Variants in DIP2C observed in about 807,000 individuals in gnomAD.
DIP2C encodes DIP2 acetate--CoA ligase C (putative).
In DIP2C, 33 loss-of-function variants were observed where a neutral mutation model predicts 192.4. The observed-to-expected ratio is 0.17, with a 90% CI of 0.13 to 0.23. The LOEUF (loss-of-function observed/expected upper bound fraction) is 0.23, where lower values mean the gene tolerates loss of function less well. DIP2C is among the 10% of genes least tolerant of loss of function. The pLI, the probability that DIP2C is intolerant of heterozygous loss-of-function variation, is 1.00. For synonymous variants in DIP2C, 979 were observed against 864.1 expected (o/e 1.13, Z -2.33); for missense variants, 1,537 against 2,110.1 (o/e 0.73, Z 5.32).
chr10:299,571 T>A (rs1955921899), intron 32 of DIP2C, among the ~76,000 whole-genome samples: 1 of 152,234 alleles, frequency 6.6e-6, no homozygotes, highest in African/African-American at 2.4e-5. Flanking sequence ...AGTCATGTGT[T>A]GGATATGTCA....
At chr10:393,949 CA>C (rs1334393875) in intron 10 of DIP2C, among the ~76,000 whole-genome samples, 2 of 152,058 alleles carry the variant, frequency 1.3e-5, no homozygotes, top group African/African-American at 4.8e-5. Flanking sequence ...AAAACCCTTG[CA>C]CGCTATTGGT....
At chr10:334,955 C>A (rs1957686526) in intron 29 of DIP2C, among the ~76,000 whole-genome samples, 1 of 152,062 alleles carries the variant, frequency 6.6e-6, no homozygotes, top group South Asian at 2.1e-4. Context: ...TCAATTTCTG[C>A]CCCAAAAAAC....
At chr10:392,198 G>A (rs1321909115) in intron 10 of DIP2C, among the ~76,000 whole-genome samples, 2 of 152,214 alleles carry the variant, frequency 1.3e-5, no homozygotes, top group African/African-American at 4.8e-5. Context: ...AGGGACACAG[G>A]TGAGGGGCAG....
intron 1 of DIP2C, among the ~76,000 whole-genome samples, chr10:676,768 G>C (rs1245098909): frequency 6.6e-6 from 1 of 152,088 alleles, no homozygotes; most frequent in Non-Finnish European, 1.5e-5. Flanking sequence ...TAGAATAGTG[G>C]ATTCTAGAGA....
intron 1 of DIP2C, among the ~76,000 whole-genome samples, chr10:501,297 C>T (rs1362642281): frequency 6.6e-6 from 1 of 151,112 alleles, no homozygotes; most frequent in Non-Finnish European, 1.5e-5. Context: ...CTTGCCCAAC[C>T]TTTATTAAGT....
At chr10:302,699 GGAC>G (rs1388975035) in intron 32 of DIP2C, among the ~76,000 whole-genome samples, 2 of 152,130 alleles carry the variant, frequency 1.3e-5, no homozygotes, top group Non-Finnish European at 2.9e-5. Context: ...CTGCACACCT[GGAC>G]AACATGTGAC....
At chr10:324,230 T>C (rs1002895909) in intron 31 of DIP2C, among the ~76,000 whole-genome samples, 8 of 152,254 alleles carry the variant, frequency 5.3e-5, no homozygotes, top group Admixed American at 3.9e-4. Flanking sequence ...GCACAAACTT[T>C]GTCATAAGTT....
intron 1 of DIP2C, among the ~76,000 whole-genome samples, chr10:615,134 A>G (rs1853365843): frequency 6.6e-6 from 1 of 152,148 alleles, no homozygotes; most frequent in Non-Finnish European, 1.5e-5. Context: ...CCCACGACAC[A>G]CGTGACACTT....
At chr10:592,319 G>A (rs1011120189) in intron 1 of DIP2C, among the ~76,000 whole-genome samples, 13 of 152,132 alleles carry the variant, frequency 8.5e-5, no homozygotes, top group South Asian at 8.3e-4. Context: ...TGTTGCCTCC[G>A]TAGCAGCGGA....
At chr10:579,399 A>T (rs11253258) in intron 1 of DIP2C, among the ~76,000 whole-genome samples, 1 of 152,068 alleles carries the variant, frequency 6.6e-6, no homozygotes, top group East Asian at 1.9e-4. Flanking sequence ...GTGTACACAC[A>T]TCCAGATCCA....
intron 1 of DIP2C, among the ~76,000 whole-genome samples, chr10:634,130 G>A (rs910752060): frequency 6.6e-6 from 1 of 152,162 alleles, no homozygotes; most frequent in African/African-American, 2.4e-5. Flanking sequence ...ATCAGAAAGA[G>A]CCTCCCAGTC....
intron 1 of DIP2C, among the ~76,000 whole-genome samples, chr10:563,768 T>C (rs1035715295): frequency 6.6e-6 from 1 of 152,234 alleles, no homozygotes; most frequent in Non-Finnish European, 1.5e-5. Flanking sequence ...TCGGTGAGAA[T>C]GGTTGCTTAA....
chr10:457,619 GA>G (rs776429893), intron 3 of DIP2C, among the ~76,000 whole-genome samples: 3 of 152,108 alleles, frequency 2.0e-5, no homozygotes, highest in African/African-American at 4.8e-5. Flanking sequence ...GCAGTGATGT[GA>G]CAACAGCTCA....
At chr10:300,438 G>C (rs372700554) in intron 32 of DIP2C, among the ~76,000 whole-genome samples, 1 of 152,234 alleles carries the variant, frequency 6.6e-6, no homozygotes, top group Non-Finnish European at 1.5e-5. Flanking sequence ...TACCTACCTA[G>C]AGTAGTCAAA....
chr10:386,357 A>T (rs755201349), intron 14 of DIP2C, among the ~76,000 whole-genome samples: 2 of 152,234 alleles, frequency 1.3e-5, no homozygotes, highest in Non-Finnish European at 2.9e-5. Context: ...CGCACGTCTG[A>T]CATGCCTGAG....
chr10:370,287 C>T (rs531921982), intron 17 of DIP2C, among the ~76,000 whole-genome samples: 5 of 152,354 alleles, frequency 3.3e-5, no homozygotes, highest in Non-Finnish European at 7.3e-5. Context: ...AAGACCACTG[C>T]GCACACGTTC....
chr10:503,717 C>CG (rs1343529429), intron 1 of DIP2C, among the ~76,000 whole-genome samples: 1 of 152,206 alleles, frequency 6.6e-6, no homozygotes, highest in African/African-American at 2.4e-5. Context: ...ACCGAGTTAA[C>CG]GTTTGCTGGC....
chr10:587,595 T>A (rs1021442573), intron 1 of DIP2C, among the ~76,000 whole-genome samples: 3 of 151,626 alleles, frequency 2.0e-5, no homozygotes, highest in Admixed American at 1.3e-4. Flanking sequence ...AAACCCCACA[T>A]CCACACCAGG....
intron 3 of DIP2C, among the ~76,000 whole-genome samples, chr10:457,776 G>A (rs1018466247): frequency 3.9e-5 from 6 of 152,076 alleles, no homozygotes; most frequent in South Asian, 2.1e-4. Flanking sequence ...GGCTGGTCTC[G>A]AACTCCTGTC....
Sources: gnomAD v4.1 joint callset for allele counts (sites outside exome capture counted in the v4.1 genomes callset) on GRCh38, gnomAD v4.1.1 for gene constraint, MANE v1.5 for transcripts, NCBI Gene and HGNC (gene_info 2026-07-23, HGNC 2026-07-21) for gene names.